Variants in CCBE1 observed in about 807,000 individuals in gnomAD.
The protein encoded by CCBE1 is collagen and calcium-binding EGF domain-containing protein 1.
CCBE1 carries 37 observed loss-of-function variants against 50.0 expected under a neutral mutation model. The ratio of observed to expected loss-of-function variants is 0.74; its 90% CI spans 0.57 to 0.97. The LOEUF (loss-of-function observed/expected upper bound fraction) is 0.97, where lower values mean the gene tolerates loss of function less well. Ranked by LOEUF, CCBE1 falls within the 50% of genes least tolerant of loss-of-function variation. CCBE1 has a pLI of 0.00. For missense variants in CCBE1, 538 were observed against 523.8 expected (o/e 1.03, Z -0.26); for synonymous variants, 234 against 203.7 (o/e 1.15, Z -1.27).
At chr18:59,498,525 T>A (rs1913463545) in intron 2 of CCBE1, among the ~76,000 whole-genome samples, 1 of 152,206 alleles carries the variant, frequency 6.6e-6, no homozygotes, top group Non-Finnish European at 1.5e-5. Flanking sequence ...ATGGAATTAG[T>A]GAATTATTTA....
intron 7 of CCBE1, among the ~76,000 whole-genome samples, chr18:59,442,540 C>T (rs557835936): frequency 5.9e-5 from 9 of 152,078 alleles, no homozygotes; most frequent in African/African-American, 2.2e-4. Context: ...CCAGCGTGGC[C>T]AACACAGTGA....
At chr18:59,571,286 G>A (rs1424499820) in intron 2 of CCBE1, among the ~76,000 whole-genome samples, 1 of 152,058 alleles carries the variant, frequency 6.6e-6, no homozygotes, top group Non-Finnish European at 1.5e-5. Context: ...TTCGATAATA[G>A]TGATTTTAAA....
chr18:59,552,029 G>T (rs1022950084), intron 2 of CCBE1, among the ~76,000 whole-genome samples: 48 of 152,352 alleles, frequency 3.2e-4, no homozygotes, highest in African/African-American at 1.1e-3. Flanking sequence ...CTCACAGCTG[G>T]CCTGGGGATG....
rs927496709 is a variant in CCBE1 at position 59,431,766 on chromosome 18, T to G, written c.*4142A>C. ...TGTTGGGCTATGATACTCCTGAGTT[T>G]ATACAGTAGAAATGACTTCCTTTGG... is the stretch of plus-strand genomic sequence containing the variant. On this transcript the variant is annotated 3_prime_UTR_variant, in exon 11 of 11. Coordinates refer to ENST00000439986, the MANE Select transcript of CCBE1 (RefSeq NM_133459.4). 1 of 152,256 alleles carries G rather than the reference T, an allele frequency of 6.6e-6. No individual in the cohort carries two copies. Among genetic ancestry groups the G allele is most frequent in the African/African-American group, 2.4e-5 (1 of 41,466 alleles). 9.4% of individuals were successfully genotyped at this position (152,256 alleles called of 1,614,324 possible).
chr18:59,689,244 C>T (rs1190512486), intron 2 of CCBE1, among the ~76,000 whole-genome samples: 1 of 152,184 alleles, frequency 6.6e-6, no homozygotes, highest in African/African-American at 2.4e-5. Context: ...TGACATCCGT[C>T]CCTGTCATTC....
In CCBE1 at chr18:59,568,664, G is replaced by C. The variant is rs772746033; in HGVS notation, c.213-88426C>G. The stretch of plus-strand genomic sequence containing the variant: ...GCGCAGACCAAAAACAGTGCACGCT[G>C]TAGGCGGCCCAGTCCAGCTGAATTT... On this transcript the variant is annotated intron_variant, in intron 2 of 10. Transcript: ENST00000439986. The C allele has an allele frequency of 3.9e-5, 6 of 152,356 alleles. 1 individual carries two copies. 9.4% of individuals were successfully genotyped at this position (152,356 alleles called of 1,614,324 possible). A position where few individuals can be genotyped will look rare whatever the true frequency, so the allele number is the denominator to read the frequency against.
intron 2 of CCBE1, among the ~76,000 whole-genome samples, chr18:59,585,193 G>T (rs1295930600): frequency 2.7e-5 from 4 of 148,438 alleles, no homozygotes; most frequent in African/African-American, 5.1e-5. Flanking sequence ...TTCAGATCTC[G>T]TAAGTGTCAT....
Position 59,601,022 on chromosome 18 carries a change from T to G in CCBE1, c.212+95607A>C, listed in dbSNP as rs1019560813. Among the ~76,000 whole-genome samples, 512 of 77,608 alleles carry G rather than the reference T, an allele frequency of 6.6e-3. 7 individuals carry two copies. Among genetic ancestry groups the G allele is most frequent in the African/African-American group, 0.047 (479 of 10,162 alleles). 50.9% of individuals were successfully genotyped at this position (77,608 alleles called of 152,430 possible). Reference sequence around the variant, plus strand: ...TAGCTATGTGTCAGTTTTTTTTTTTTTTTTTTTTTTTTTTTTTTTTTTTTT... The same window carrying G: ...TAGCTATGTGTCAGTTTTTTTTTTTGTTTTTTTTTTTTTTTTTTTTTTTTT... On this transcript the variant is annotated intron_variant, in intron 2 of 10. Transcript: ENST00000439986.
intron 2 of CCBE1, among the ~76,000 whole-genome samples, chr18:59,590,466 T>C (rs2053247079): frequency 6.6e-6 from 1 of 152,144 alleles, no homozygotes; most frequent in African/African-American, 2.4e-5. Context: ...TTCAATAAAA[T>C]TACAAACTCC....
chr18:59,636,202 A>G lies in CCBE1; in HGVS notation c.212+60427T>C, dbSNP rs187564227. Among the ~76,000 whole-genome samples the G allele has an allele frequency of 1.8e-4, 28 of 152,296 alleles. 2 individuals carry two copies. Among genetic ancestry groups the G allele is most frequent in the African/African-American group, 6.5e-4 (27 of 41,570 alleles). Reference sequence around the variant, plus strand: ...TGAACTCCTTACATAAGGCATATCTAAAATACAGAACACAGACACAGAAGA... The same window carrying G: ...TGAACTCCTTACATAAGGCATATCTGAAATACAGAACACAGACACAGAAGA... On this transcript the variant is annotated intron_variant, in intron 2 of 10. Transcript: ENST00000439986.
In CCBE1 at chr18:59,469,543, C is replaced by T. The variant is rs1195965470; in HGVS notation, c.330G>A (p.Leu110=). 2.5e-6 allele frequency: 4 copies of T among 1,614,096 alleles called. No individual in the cohort carries two copies. The highest frequency in any genetic ancestry group is 2.7e-5 in the African/African-American group (2 of 74,940). Residue 110 remains leucine, a synonymous_variant, in exon 4 of 11, where the codon CTG becomes CTA. Coordinates refer to ENST00000439986, the MANE Select transcript of CCBE1 (RefSeq NM_133459.4). ...QQCTDNFGRV[L]CTCYPGYRYD... The stretch of plus-strand genomic sequence containing the variant: ...ATCGGTATCCCGGATAACAAGTACA[C>T]AGCACTCGGCCAAAGTTGTCCGTGC...
chr18:59,487,136 G>A (rs1353820365), intron 2 of CCBE1, among the ~76,000 whole-genome samples: 3 of 147,986 alleles, frequency 2.0e-5, no homozygotes, highest in African/African-American at 7.6e-5. Flanking sequence ...ACTAGATGGT[G>A]GCTTCCTCGC....
chr18:59,621,012 A>G (rs2053703839), intron 2 of CCBE1, among the ~76,000 whole-genome samples: 1 of 152,244 alleles, frequency 6.6e-6, no homozygotes, highest in African/African-American at 2.4e-5. Flanking sequence ...CAGAACACAC[A>G]GAGTTCAACT....
At chr18:59,605,178 G>T (rs1405352758) in intron 2 of CCBE1, among the ~76,000 whole-genome samples, 1 of 152,246 alleles carries the variant, frequency 6.6e-6, no homozygotes, top group East Asian at 1.9e-4. Flanking sequence ...ACAGCAGGGA[G>T]AAATGGAGAA....
At chr18:59,559,475 C>T (rs1385773362) in intron 2 of CCBE1, among the ~76,000 whole-genome samples, 1 of 152,172 alleles carries the variant, frequency 6.6e-6, no homozygotes, top group Admixed American at 6.5e-5. Flanking sequence ...CAAGTAATGT[C>T]GGCAGTCATG....
intron 2 of CCBE1, among the ~76,000 whole-genome samples, chr18:59,578,767 G>A (rs576273814): frequency 2.2e-4 from 33 of 152,314 alleles, no homozygotes; most frequent in African/African-American, 7.5e-4. Flanking sequence ...ATGGACACAA[G>A]GAGGGGAGTA....
intron 2 of CCBE1, among the ~76,000 whole-genome samples, chr18:59,693,003 C>CACAA (rs1278264661): frequency 7.5e-5 from 11 of 145,970 alleles, no homozygotes; most frequent in African/African-American, 2.9e-4. Flanking sequence ...CACACACACA[C>CACAA]AAACAAAAAA....
intron 2 of CCBE1, among the ~76,000 whole-genome samples, chr18:59,513,038 G>A (rs1220297249): frequency 6.6e-6 from 1 of 152,198 alleles, no homozygotes; most frequent in African/African-American, 2.4e-5. Flanking sequence ...AAGAGCCCAG[G>A]AGCAGTGGCT....
intron 5 of CCBE1, among the ~76,000 whole-genome samples, chr18:59,460,971 T>TAAA (rs1911443942): frequency 1.0e-5 from 1 of 96,214 alleles, no homozygotes; most frequent in African/African-American, 3.4e-5. Flanking sequence ...AAATAAATAA[T>TAAA]AAAATAAAAA....
Sources: gnomAD v4.1 joint callset for allele counts (sites outside exome capture counted in the v4.1 genomes callset) on GRCh38, gnomAD v4.1.1 for gene constraint, MANE v1.5 for transcripts, NCBI Gene and HGNC (gene_info 2026-07-23, HGNC 2026-07-21) for gene names.